LRBA: variants seen among roughly 807,000 people sequenced by gnomAD.
LRBA encodes the protein LPS responsive beige-like anchor protein.
In LRBA, 176 loss-of-function variants were observed where a neutral mutation model predicts 330.0. The observed-to-expected ratio is 0.53, with a 90% CI of 0.47 to 0.60. The LOEUF is 0.60. Ranked by LOEUF, LRBA falls within the 20% of genes least tolerant of loss-of-function variation. The pLI is 0.00. For synonymous variants in LRBA, 1,230 were observed against 1,193.0 expected, an observed-to-expected ratio of 1.03 and a Z score of -0.64; for missense variants, 3,259 against 3,444.8, an observed-to-expected ratio of 0.95 and a Z score of 1.35.
At position 150,435,650 on chromosome 4, in the gene LRBA, C is replaced by T. The variant is rs962171895; in HGVS notation, c.6980G>A (p.Arg2327Gln). 2.0e-5 allele frequency: 32 copies of T among 1,612,246 alleles called. No individual in the cohort carries two copies. The highest frequency in any genetic ancestry group is 4.5e-5 in the East Asian group (2 of 44,814). ...LQGGKFDHAD[R>Q]TFSSISRAWR... The stretch of plus-strand genomic sequence containing the variant: ...AGCTCTGGAAATTGATGAAAAAGTT[C>T]GATCTGCATGATCAAATTTGCCTCC... The change falls in exon 46 of 57, where the codon CGA (arginine) becomes CAA (glutamine). Residue 2327 changes from arginine (R) to glutamine (Q), a missense_variant. By Grantham distance (43) the Arg-to-Gln change is conservative. Coordinates refer to ENST00000651943, the MANE Select transcript of LRBA (RefSeq NM_001364905.1).
At chr4:150,559,853 T>A (rs1767995244) in intron 40 of LRBA, among the ~76,000 whole-genome samples, 1 of 25,714 alleles carries the variant, frequency 3.9e-5, no homozygotes, top group African/African-American at 1.1e-4. Context: ...TATAATAATA[T>A]ATAATTATAT....
At chr4:150,937,396 T>C (rs1735189316) in intron 2 of LRBA, among the ~76,000 whole-genome samples, 1 of 152,154 alleles carries the variant, frequency 6.6e-6, no homozygotes, top group Admixed American at 6.5e-5. Flanking sequence ...TAGTAATGGC[T>C]CTGCACTACA....
intron 2 of LRBA, among the ~76,000 whole-genome samples, chr4:150,995,786 A>G (rs866099191): frequency 1.3e-5 from 2 of 152,112 alleles, no homozygotes; most frequent in South Asian, 4.1e-4. Context: ...ACCTCAATAA[A>G]TATTATTTAT....
intron 47 of LRBA, among the ~76,000 whole-genome samples, chr4:150,373,172 T>A (rs6817531): frequency 0.24 from 22,987 of 94,678 alleles, 2,551 homozygotes; most frequent in Non-Finnish European, 0.28. Context: ...TGTGTGTGTG[T>A]GAGAGAGAGA....
chr4:150,980,981 C>A (rs1293991827), intron 2 of LRBA, among the ~76,000 whole-genome samples: 3 of 151,596 alleles, frequency 2.0e-5, no homozygotes, highest in Non-Finnish European at 4.4e-5. Context: ...AAGAGGACAC[C>A]AAAAAATGGA....
intron 37 of LRBA, among the ~76,000 whole-genome samples, chr4:150,671,037 TGTGTGAGA>T (rs781506239): frequency 2.1e-4 from 31 of 147,178 alleles, no homozygotes; most frequent in East Asian, 1.6e-3. Flanking sequence ...TGTGTGTGTG[TGTGTGAGA>T]GAGAGAGAGA....
intron 18 of LRBA, among the ~76,000 whole-genome samples, chr4:150,872,001 G>T (rs1753498931): frequency 6.6e-6 from 1 of 152,176 alleles, no homozygotes; most frequent in Admixed American, 6.5e-5. Context: ...ATGGCCAGGG[G>T]GTAAATATTT....
chr4:150,962,367 A>C (rs1281156525), intron 2 of LRBA, among the ~76,000 whole-genome samples: 1 of 148,918 alleles, frequency 6.7e-6, no homozygotes, highest in Non-Finnish European at 1.5e-5. Flanking sequence ...AAAAATGCAA[A>C]ATTAGCTGGG....
intron 53 of LRBA, among the ~76,000 whole-genome samples, chr4:150,301,067 A>G (rs1457113701): frequency 1.3e-5 from 2 of 152,070 alleles, no homozygotes; most frequent in Non-Finnish European, 2.9e-5. Flanking sequence ...ATTTATTATC[A>G]ATTTTAAATA....
intron 36 of LRBA, among the ~76,000 whole-genome samples, chr4:150,717,226 A>ATC (rs1728320482): frequency 6.6e-6 from 1 of 152,204 alleles, no homozygotes; most frequent in African/African-American, 2.4e-5. Context: ...AATTTATTTT[A>ATC]TATTTGTTAA....
rs150931536 is a variant in LRBA, at chr4:150,391,972, T to TA, written c.7194+23465dup. Among the ~76,000 whole-genome samples the TA allele has an allele frequency of 1.1e-3, 119 of 107,430 alleles. 1 individual carries two copies. The highest frequency in any genetic ancestry group is 0.011 in the South Asian group (31 of 2,918). 70.5% of individuals were successfully genotyped at this position (107,430 alleles called of 152,430 possible). Reference sequence around the variant, plus strand: ...ATCTGATTGATACTCTGTTACTCTTTAAAAAAAAAAAAAAAAAAAAAAAAA... The same window carrying TA: ...ATCTGATTGATACTCTGTTACTCTTTAAAAAAAAAAAAAAAAAAAAAAAAAA... On this transcript the variant is annotated intron_variant, in intron 47 of 56. Transcript: ENST00000651943.
chr4:150,909,900 C>G (rs1472672753), intron 9 of LRBA, among the ~76,000 whole-genome samples: 1 of 152,084 alleles, frequency 6.6e-6, no homozygotes, highest in Non-Finnish European at 1.5e-5. Context: ...TAGCATTTTT[C>G]TAATGTCTAG....
intron 36 of LRBA, among the ~76,000 whole-genome samples, chr4:150,711,193 C>T (rs1786160799): frequency 6.6e-6 from 1 of 151,324 alleles, no homozygotes; most frequent in African/African-American, 2.4e-5. Context: ...TCAGGTATAA[C>T]ATAGGAAACA....
chr4:150,720,167 C>T (rs1213168878), intron 36 of LRBA, among the ~76,000 whole-genome samples: 3 of 151,976 alleles, frequency 2.0e-5, no homozygotes, highest in Non-Finnish European at 4.4e-5. Context: ...AATATCTGCA[C>T]AGAGCATTCT....
At chr4:150,992,714 G>A (rs558071613) in intron 2 of LRBA, among the ~76,000 whole-genome samples, 1 of 152,274 alleles carries the variant, frequency 6.6e-6, no homozygotes, top group South Asian at 2.1e-4. Context: ...TGAAATTTCT[G>A]CAAAGAACAA....
chr4:150,709,186 G>A (rs1014958602), intron 36 of LRBA, among the ~76,000 whole-genome samples: 4 of 151,874 alleles, frequency 2.6e-5, no homozygotes, highest in African/African-American at 9.7e-5. Context: ...AATAAATTGT[G>A]AAGCCTAGAA....
intron 2 of LRBA, among the ~76,000 whole-genome samples, chr4:150,932,240 A>C (rs1483436893): frequency 1.3e-5 from 2 of 152,002 alleles, no homozygotes; most frequent in East Asian, 3.8e-4. Flanking sequence ...GCAAAAAAAA[A>C]TCAAAAAGTA....
chr4:150,362,807 G>C (rs1310367330), intron 47 of LRBA, among the ~76,000 whole-genome samples: 2 of 152,024 alleles, frequency 1.3e-5, no homozygotes, highest in Admixed American at 6.6e-5. Flanking sequence ...TCTGAATTAA[G>C]TTTAGCTCAT....
chr4:150,551,053 T>G lies in LRBA; in HGVS notation c.6330+36995A>C, dbSNP rs1581648269. 4.6e-5 allele frequency among the ~76,000 whole-genome samples: 7 copies of G among 152,244 alleles called. 2 individuals carry two copies. Among genetic ancestry groups the G allele is most frequent in the Admixed American group, 6.5e-5 (1 of 15,294 alleles). On this transcript the variant is annotated intron_variant, in intron 40 of 56. Transcript: ENST00000651943. ...GAGGGCTCTGCCTTCATAAATGGAT[T>G]AATGTGATTATTGCTAGGGAGTGTT... is the stretch of plus-strand genomic sequence containing the variant.
Sources: gnomAD v4.1 joint callset for allele counts (sites outside exome capture counted in the v4.1 genomes callset) on GRCh38, gnomAD v4.1.1 for gene constraint, MANE v1.5 for transcripts, NCBI Gene and HGNC (gene_info 2026-07-23, HGNC 2026-07-21) for gene names.